The following RBM19 variants were observed in gnomAD, a reference collection of about 807,000 sequenced individuals.
RBM19 encodes RNA binding motif protein 19, also known as probable RNA-binding protein 19.
In RBM19, 94 loss-of-function variants were observed where a neutral mutation model predicts 116.8. The ratio of observed to expected loss-of-function variants is 0.80; its 90% CI spans 0.68 to 0.95. The LOEUF is 0.95. Ranked by LOEUF, RBM19 falls within the 40% of genes least tolerant of loss-of-function variation. The pLI is 0.00. For missense variants in RBM19, 1,161 were observed against 1,220.7 expected, an observed-to-expected ratio of 0.95 and a Z score of 0.73; for synonymous variants, 475 against 494.1, an observed-to-expected ratio of 0.96 and a Z score of 0.51.
rs11066778 is a variant in RBM19, at chr12:113,830,575, C to T, written c.2786-7254G>A. On this transcript the variant is annotated intron_variant, in intron 23 of 23. Transcript: ENST00000261741. Reference sequence around the variant, plus strand: ...GTTACCCTGAGCTAGGGCTGCGGGGCGGGGGGGGGGGGGGTGGGCTATGCC... The same window carrying T: ...GTTACCCTGAGCTAGGGCTGCGGGGTGGGGGGGGGGGGGGTGGGCTATGCC... 5.0e-4 allele frequency among the ~76,000 whole-genome samples: 6 copies of T among 12,088 alleles called. 1 individual carries two copies. The highest frequency in any genetic ancestry group is 6.3e-3 in the South Asian group (1 of 160). The allele number at this position is 12,088 out of a possible 152,430, so 7.9% of individuals were successfully genotyped here.
chr12:113,953,314 G>A (rs971761387), intron 7 of RBM19, among the ~76,000 whole-genome samples: 22 of 152,058 alleles, frequency 1.4e-4, no homozygotes, highest in African/African-American at 5.3e-4. Context: ...ATGGTGAAAC[G>A]CTGTCTCTAC....
At chr12:113,918,119 CCTTTT>C (rs1363372593) in intron 20 of RBM19, among the ~76,000 whole-genome samples, 1 of 148,294 alleles carries the variant, frequency 6.7e-6, no homozygotes, top group East Asian at 2.0e-4. Flanking sequence ...TGCACTTGTT[CCTTTT>C]CTTATTAAAA....
At chr12:113,884,112 C>CA (rs1273858250) in intron 21 of RBM19, among the ~76,000 whole-genome samples, 818 of 71,920 alleles carry the variant, frequency 0.011, 7 homozygotes, top group African/African-American at 0.033. Flanking sequence ...CCATCTCTAC[C>CA]AAAAAAAAAA....
intron 21 of RBM19, among the ~76,000 whole-genome samples, chr12:113,904,747 T>C (rs1020109543): frequency 3.3e-5 from 5 of 152,122 alleles, no homozygotes; most frequent in Non-Finnish European, 7.4e-5. Flanking sequence ...CTGTGGCCAG[T>C]GGTTATTTGT....
At chr12:113,873,893 A>T (rs1223253584) in intron 21 of RBM19, among the ~76,000 whole-genome samples, 1 of 152,144 alleles carries the variant, frequency 6.6e-6, no homozygotes, top group East Asian at 1.9e-4. Flanking sequence ...CCAAGTGGGG[A>T]GTGCTGTGCC....
intron 21 of RBM19, among the ~76,000 whole-genome samples, chr12:113,902,598 C>CA (rs60289889): frequency 0.41 from 46,717 of 114,724 alleles, 9,540 homozygotes; most frequent in Middle Eastern, 0.52. Context: ...GACCCAGTCT[C>CA]AAAAAAAAAA....
chr12:113,955,583 GCCAGTGATCTA>G (rs1205829437), intron 6 of RBM19, among the ~76,000 whole-genome samples: 1 of 152,184 alleles, frequency 6.6e-6, no homozygotes, highest in Non-Finnish European at 1.5e-5. Flanking sequence ...CTTTACAGAT[GCCAGTGATCTA>G]CTACATCTTC....
chr12:113,948,870 G>A lies in RBM19; in HGVS notation c.1239C>T (p.Ser413=). The A allele has an allele frequency of 1.2e-6, 2 of 1,614,216 alleles. No individual in the cohort carries two copies. The highest frequency in any genetic ancestry group is 1.7e-6 in the Non-Finnish European group (2 of 1,180,036). The change falls in exon 10 of 24, where the codon AGC becomes AGT. Residue 413 remains serine, a synonymous_variant. Coordinates refer to ENST00000261741, the MANE Select transcript of RBM19 (RefSeq NM_016196.4). Reference sequence around the variant, plus strand: ...AGAGCTTCTCCAGATCCTCCTCGGTGCTGGTGTAGGGCAGGTTCCGTACAA... The same window carrying A: ...AGAGCTTCTCCAGATCCTCCTCGGTACTGGTGTAGGGCAGGTTCCGTACAA... ...RLFVRNLPYT[S]TEEDLEKLFS...
intron 21 of RBM19, among the ~76,000 whole-genome samples, chr12:113,909,355 A>T (rs1297857481): frequency 0.012 from 1,823 of 151,834 alleles, 12 homozygotes; most frequent in South Asian, 0.022. Flanking sequence ...TCCTAGCTTC[A>T]AAGGATCCTC....
At chr12:113,850,813 T>G (rs545413991) in intron 22 of RBM19, among the ~76,000 whole-genome samples, 53 of 152,318 alleles carry the variant, frequency 3.5e-4, no homozygotes, top group African/African-American at 1.2e-3. Flanking sequence ...GAGGGCTGCA[T>G]CTCTCAGCAG....
chr12:113,926,012 A>T (rs558636393), intron 17 of RBM19, among the ~76,000 whole-genome samples: 1 of 152,318 alleles, frequency 6.6e-6, no homozygotes. Context: ...CAATTGCTGA[A>T]GAAGGTGAAT....
chr12:113,878,671 A>ACACACACCC (rs1491206356), intron 21 of RBM19, among the ~76,000 whole-genome samples: 3 of 141,898 alleles, frequency 2.1e-5, no homozygotes, highest in African/African-American at 8.3e-5. Flanking sequence ...ACACACACAC[A>ACACACACCC]CCCTCACTCA....
intron 21 of RBM19, among the ~76,000 whole-genome samples, chr12:113,884,367 C>G (rs1285488983): frequency 6.6e-6 from 1 of 151,500 alleles, no homozygotes; most frequent in Non-Finnish European, 1.5e-5. Flanking sequence ...GGTTCTCAAT[C>G]AGGCAATTTT....
intron 18 of RBM19, among the ~76,000 whole-genome samples, chr12:113,923,326 G>A (rs971249973): frequency 9.2e-5 from 14 of 152,008 alleles, no homozygotes; most frequent in Non-Finnish European, 1.3e-4. Flanking sequence ...ACCTTCCCTC[G>A]CAGCCCCCAG....
At chr12:113,849,920 G>A (rs967942125) in intron 22 of RBM19, among the ~76,000 whole-genome samples, 1 of 152,198 alleles carries the variant, frequency 6.6e-6, no homozygotes, top group Non-Finnish European at 1.5e-5. Flanking sequence ...CAAATGGGTG[G>A]CACTTCTGGG....
At chr12:113,879,893 A>G (rs931701369) in intron 21 of RBM19, among the ~76,000 whole-genome samples, 2 of 151,914 alleles carry the variant, frequency 1.3e-5, no homozygotes, top group Non-Finnish European at 2.9e-5. Flanking sequence ...GTGGGCAGGC[A>G]GAGGGTGAGC....
At position 113,903,896 on chromosome 12, in the gene RBM19, A is replaced by G. The variant is rs1881873983; in HGVS notation, c.2558+11073T>C. On this transcript the variant is annotated intron_variant, in intron 21 of 23. Transcript: ENST00000261741. This position sits in a 1 kb window ranked among gnomAD's most constrained non-coding sequence, Gnocchi z 5.1. ...TAAAAGACAGATTTAAGATGTGGTC[A>G]TGCCATAGAGGAGTTGAGACCTCTG... 6.6e-6 allele frequency among the ~76,000 whole-genome samples: 1 copy of G among 152,264 alleles called. No individual in the cohort carries two copies. The highest frequency in any genetic ancestry group is 1.5e-5 in the Non-Finnish European group (1 of 68,046).
intron 22 of RBM19, among the ~76,000 whole-genome samples, chr12:113,846,131 A>G (rs907548545): frequency 9.2e-5 from 14 of 152,224 alleles, no homozygotes; most frequent in African/African-American, 3.4e-4. Context: ...ATTAGTTTAA[A>G]GAGCAGTAGG....
At chr12:113,926,605 C>A (rs1274346290) in intron 17 of RBM19, among the ~76,000 whole-genome samples, 5 of 152,102 alleles carry the variant, frequency 3.3e-5, no homozygotes, top group South Asian at 2.1e-4. Context: ...CCTGTCCTTT[C>A]ATCCCCTTCC....
Sources: allele counts gnomAD v4.1 joint callset (sites outside exome capture counted in the v4.1 genomes callset), GRCh38; gene constraint gnomAD v4.1.1; non-coding constraint Gnocchi (gnomAD v3.1); transcripts MANE v1.5; gene names NCBI Gene and HGNC (gene_info 2026-07-23, HGNC 2026-07-21).